The following FBN2 variants were observed in gnomAD, a reference collection of about 807,000 sequenced individuals.
The protein encoded by FBN2 is fibrillin 2.
A neutral mutation model predicts 355.6 loss-of-function variants in FBN2; 105 were observed. The ratio of observed to expected loss-of-function variants is 0.30; its 90% CI spans 0.25 to 0.35. The LOEUF is 0.35. FBN2 is among the 10% of genes least tolerant of loss of function. The pLI is 1.00. For missense variants in FBN2, 3,280 were observed against 3,758.7 expected (o/e 0.87, Z 3.33); for synonymous variants, 1,350 against 1,301.2 (o/e 1.04, Z -0.81).
intron 5 of FBN2, among the ~76,000 whole-genome samples, chr5:128,485,784 C>T (rs1053128979): frequency 6.6e-6 from 1 of 152,074 alleles, no homozygotes; most frequent in Non-Finnish European, 1.5e-5. Context: ...GGAGGAAGGG[C>T]AAGAAGTGAT....
chr5:128,496,090 T>C (rs538734424), intron 5 of FBN2, among the ~76,000 whole-genome samples: 1 of 152,152 alleles, frequency 6.6e-6, no homozygotes. Flanking sequence ...ATGGCTTTAC[T>C]GGTAAATTCT....
At chr5:128,522,686 A>G (rs1756461449) in intron 4 of FBN2, among the ~76,000 whole-genome samples, 1 of 152,194 alleles carries the variant, frequency 6.6e-6, no homozygotes, top group Non-Finnish European at 1.5e-5. Flanking sequence ...AAAACCAAAA[A>G]TGGTGAATTT....
At chr5:128,324,826 A>G (rs1750500410) in intron 34 of FBN2, among the ~76,000 whole-genome samples, 1 of 151,924 alleles carries the variant, frequency 6.6e-6, no homozygotes, top group South Asian at 2.1e-4. Flanking sequence ...TTGCCATGTT[A>G]GCCAGTATGA....
At chr5:128,465,006 A>C in intron 5 of FBN2, 85 bp from the exon 6 acceptor site, 4 of 1,302,792 alleles carry the variant, frequency 3.1e-6, no homozygotes, top group Non-Finnish European at 4.4e-6. Context: ...TAAAACAGAG[A>C]CTATTTCTTC....
chr5:128,448,728 A>G (rs1221741165), intron 6 of FBN2, among the ~76,000 whole-genome samples: 2 of 152,200 alleles, frequency 1.3e-5, no homozygotes, highest in African/African-American at 4.8e-5. Flanking sequence ...TTATTACTTT[A>G]GTTTTCATTT....
chr5:128,296,170 C>A (rs1178165031), intron 48 of FBN2, among the ~76,000 whole-genome samples: 2 of 151,904 alleles, frequency 1.3e-5, no homozygotes, highest in Middle Eastern at 3.2e-3. Flanking sequence ...ACCAGCCTTG[C>A]ATCCCAGGGA....
Position 128,338,136 on chromosome 5 carries a change from A to C in FBN2, c.3473-14T>G. 1 of 1,613,456 alleles carries C rather than the reference A, an allele frequency of 6.2e-7. No individual in the cohort carries two copies. Among genetic ancestry groups the C allele is most frequent in the East Asian group, 2.2e-5 (1 of 44,854 alleles). ...ATTCGTCAATGTCTGAAAGGTAAAA[A>C]CGTGAGATCCATTAAAGAACTCTGA... On this transcript the variant is annotated splice_polypyrimidine_tract_variant and intron_variant, in intron 26 of 64. Coordinates refer to ENST00000262464, the MANE Select transcript of FBN2 (RefSeq NM_001999.4).
Position 128,378,427 on chromosome 5 carries a change from G to A in FBN2, c.1723+344C>T, listed in dbSNP as rs547033813. Among the ~76,000 whole-genome samples, 20 of 152,288 alleles carry A rather than the reference G, an allele frequency of 1.3e-4. 1 individual carries two copies. The South Asian group carries it at 3.7e-3, about 28-fold the overall frequency. On this transcript the variant is annotated intron_variant, in intron 12 of 64. Transcript: ENST00000262464. ...GAATAAAGACCAGGCATGACTTGGT[G>A]TTGGACTATGTGTGGGATTCAAAGA...
At chr5:128,512,844 T>G (rs1234979065) in intron 5 of FBN2, among the ~76,000 whole-genome samples, 1 of 152,202 alleles carries the variant, frequency 6.6e-6, no homozygotes, top group African/African-American at 2.4e-5. Context: ...GGAGTCCTCT[T>G]AAAACGATAT....
chr5:128,396,325 T>C (rs1752649175), intron 8 of FBN2, among the ~76,000 whole-genome samples: 1 of 152,182 alleles, frequency 6.6e-6, no homozygotes, highest in South Asian at 2.1e-4. Context: ...AGAAGCATAG[T>C]CAGGCTGAAC....
At chr5:128,294,749 G>C (rs925343274) in intron 48 of FBN2, among the ~76,000 whole-genome samples, 2 of 151,302 alleles carry the variant, frequency 1.3e-5, no homozygotes, top group Non-Finnish European at 2.9e-5. Context: ...CCCTTTGTCA[G>C]AGTAGGTTGC....
chr5:128,338,447 T>C (rs1477878781), intron 26 of FBN2, among the ~76,000 whole-genome samples: 1 of 152,182 alleles, frequency 6.6e-6, no homozygotes, highest in South Asian at 2.1e-4. Flanking sequence ...TCTGTAACGC[T>C]AATCAGGGTG....
chr5:128,283,448 T>C (rs566618228), intron 55 of FBN2, among the ~76,000 whole-genome samples: 7 of 152,342 alleles, frequency 4.6e-5, no homozygotes, highest in African/African-American at 1.7e-4. Flanking sequence ...AGTAGCATCA[T>C]ACAAAAGCGG....
intron 7 of FBN2, among the ~76,000 whole-genome samples, chr5:128,436,682 GAAAAAA>G (rs368032823): frequency 4.2e-5 from 6 of 144,530 alleles, no homozygotes; most frequent in African/African-American, 1.5e-4. Flanking sequence ...AAAAAAAAAA[GAAAAAA>G]AAGTATGGAA....
intron 7 of FBN2, among the ~76,000 whole-genome samples, chr5:128,413,977 GCTGC>G (rs1274215459): frequency 1.3e-5 from 2 of 152,088 alleles, no homozygotes; most frequent in Non-Finnish European, 2.9e-5. Context: ...GCAATAATTT[GCTGC>G]CTATTTCCAG....
chr5:128,263,400 G>T (rs930798635), intron 63 of FBN2, 25 bp downstream of exon 63: 2 of 1,546,580 alleles, frequency 1.3e-6, no homozygotes, highest in Non-Finnish European at 1.8e-6. Context: ...ATTCCTCTAT[G>T]TGCTGAGGCT....
chr5:128,449,466 T>C (rs1754177508), intron 6 of FBN2, among the ~76,000 whole-genome samples: 1 of 147,230 alleles, frequency 6.8e-6, no homozygotes, highest in Admixed American at 6.8e-5. Flanking sequence ...TATAATAGTA[T>C]ACTATTAAAC....
At chr5:128,267,905 G>A (rs572870123) in intron 62 of FBN2, among the ~76,000 whole-genome samples, 121 of 152,244 alleles carry the variant, frequency 7.9e-4, no homozygotes, top group African/African-American at 2.8e-3. Context: ...AATTTATAGC[G>A]CTAAATGCCC....
intron 39 of FBN2, among the ~76,000 whole-genome samples, 179 bp from the exon 40 acceptor site, chr5:128,310,287 G>GA (rs1411056334): frequency 1.5e-5 from 2 of 130,258 alleles, no homozygotes; most frequent in South Asian, 2.4e-4. Flanking sequence ...TTCTTCAAAA[G>GA]AAAAAAATCC....
Sources: allele counts gnomAD v4.1 joint callset (sites outside exome capture counted in the v4.1 genomes callset), GRCh38; gene constraint gnomAD v4.1.1; transcripts MANE v1.5; gene names NCBI Gene and HGNC (gene_info 2026-07-23, HGNC 2026-07-21).